Variants in TMX3 observed in about 807,000 individuals in gnomAD.
TMX3 encodes protein disulfide-isomerase TMX3.
In TMX3, 40 loss-of-function variants were observed where a neutral mutation model predicts 64.4. That is an observed-to-expected ratio of 0.62 (90% CI 0.48 to 0.81). The LOEUF is 0.81. TMX3 is among the 30% of genes least tolerant of loss of function. The probability of loss-of-function intolerance (pLI) is 0.00; values close to 1 mark genes in which losing one functional copy is unlikely to be tolerated. For synonymous variants in TMX3, 189 were observed against 175.7 expected, an observed-to-expected ratio of 1.08 and a Z score of -0.60; for missense variants, 497 against 534.5, an observed-to-expected ratio of 0.93 and a Z score of 0.69.
At chr18:68,702,551 A>G (rs572484848) in intron 4 of TMX3, among the ~76,000 whole-genome samples, 4 of 152,318 alleles carry the variant, frequency 2.6e-5, no homozygotes, top group Middle Eastern at 3.4e-3. Flanking sequence ...TTACAGACAA[A>G]ACGCCACCAG....
At chr18:68,714,880 C>G (rs1352855883) in intron 1 of TMX3, 56 bp downstream of exon 1, 40 of 1,545,498 alleles carry the variant, frequency 2.6e-5, no homozygotes, top group Non-Finnish European at 3.3e-5. Context: ...CCCGGCCCCA[C>G]GGCGGGGCCA....
intron 9 of TMX3, among the ~76,000 whole-genome samples, chr18:68,689,385 T>A (rs978439316): frequency 1.3e-5 from 2 of 151,368 alleles, no homozygotes; most frequent in East Asian, 1.9e-4. Flanking sequence ...TAAACAGATA[T>A]GATCAGTGTT....
intron 2 of TMX3, among the ~76,000 whole-genome samples, chr18:68,712,322 A>G (rs2031364482): frequency 6.6e-6 from 1 of 152,164 alleles, no homozygotes; most frequent in African/African-American, 2.4e-5. Flanking sequence ...GTCCCTGGAC[A>G]GTATTGTTAG....
chr18:68,713,980 GT>G, intron 1 of TMX3, 80 bp from the exon 2 acceptor site: 4 of 1,001,658 alleles, frequency 4.0e-6, no homozygotes, highest in Admixed American at 2.7e-5. Context: ...TCTCTGAAGT[GT>G]TTTTGACCTT....
rs1294591745 is a variant in TMX3 at position 68,675,086 on chromosome 18, T to C, written c.*1847A>G. On this transcript the variant is annotated 3_prime_UTR_variant, in exon 16 of 16. Transcript: ENST00000299608. ...GACATTTTCTATAACTATTTCCCCA[T>C]GTCACTGACTGCTAAGTTTTCACTT... 1 of 152,162 alleles carries C rather than the reference T, an allele frequency of 6.6e-6. No individual in the cohort carries two copies. Among genetic ancestry groups the C allele is most frequent in the African/African-American group, 2.4e-5 (1 of 41,452 alleles). 9.4% of individuals were successfully genotyped at this position (152,162 alleles called of 1,614,324 possible). A position where few individuals can be genotyped will look rare whatever the true frequency, so the allele number is the denominator to read the frequency against.
chr18:68,679,392 T>C, intron 15 of TMX3, 71 bp downstream of exon 15: 2 of 1,311,240 alleles, frequency 1.5e-6, no homozygotes, highest in South Asian at 1.4e-5. Context: ...CAAATTCAGA[T>C]TTTTAACACA....
At chr18:68,687,939 C>T (rs899960534) in intron 9 of TMX3, 174 bp from the exon 10 acceptor site, 15 of 398,818 alleles carry the variant, frequency 3.8e-5, no homozygotes, top group Non-Finnish European at 5.3e-5. Context: ...GATTAATGCA[C>T]AAAGCAATCT....
chr18:68,686,493 G>A (rs971603020), intron 10 of TMX3, among the ~76,000 whole-genome samples: 6 of 152,062 alleles, frequency 3.9e-5, no homozygotes, highest in Admixed American at 2.6e-4. Context: ...TGCGGATCAC[G>A]AGGTCAGGAG....
At chr18:68,704,708 GT>G (rs2030490572) in intron 4 of TMX3, among the ~76,000 whole-genome samples, 1 of 152,154 alleles carries the variant, frequency 6.6e-6, no homozygotes. Context: ...TGCAACAAGA[GT>G]TATAGCTTTG....
intron 1 of TMX3, 22 bp from the exon 2 acceptor site, chr18:68,713,922 T>C (rs2031596578): frequency 6.5e-7 from 1 of 1,527,030 alleles, no homozygotes; most frequent in African/African-American, 1.4e-5. Context: ...AGACAAAATG[T>C]ACACAATAAA....
chr18:68,704,034 T>C (rs771360596), intron 4 of TMX3, among the ~76,000 whole-genome samples: 10 of 152,206 alleles, frequency 6.6e-5, no homozygotes, highest in African/African-American at 2.4e-4. Context: ...TTATCGCCTA[T>C]GTAACTCTGG....
intron 15 of TMX3, among the ~76,000 whole-genome samples, chr18:68,677,829 A>C (rs1255692772): frequency 6.6e-6 from 1 of 152,126 alleles, no homozygotes; most frequent in Non-Finnish European, 1.5e-5. Context: ...CTTTGGATTG[A>C]GATAATAAAA....
chr18:68,706,898 T>C (rs1568202085), intron 4 of TMX3, among the ~76,000 whole-genome samples: 1 of 152,222 alleles, frequency 6.6e-6, no homozygotes, highest in Non-Finnish European at 1.5e-5. Flanking sequence ...GTTGCTTCAC[T>C]ACACATAACA....
At chr18:68,687,604 G>T in intron 10 of TMX3, 63 bp downstream of exon 10, 1 of 1,543,406 alleles carries the variant, frequency 6.5e-7, no homozygotes, top group South Asian at 1.3e-5. Context: ...TACAAAATAA[G>T]ATTTTTAAAT....
At chr18:68,711,265 G>A in intron 3 of TMX3, 99 bp downstream of exon 3, 1 of 732,164 alleles carries the variant, frequency 1.4e-6, no homozygotes, top group Non-Finnish European at 2.2e-6. Context: ...ATATACATAA[G>A]CACTAGCTGT....
rs1029081496 is a variant in TMX3, at chr18:68,687,686, C to G, written c.717G>C (p.Leu239Phe). The G allele has an allele frequency of 3.7e-6, 6 of 1,611,364 alleles. No individual in the cohort carries two copies. Among genetic ancestry groups the G allele is most frequent in the Non-Finnish European group, 4.2e-6 (5 of 1,178,896 alleles). Residue 239 changes from leucine (L) to phenylalanine (F), a missense_variant, in exon 10 of 16, where the codon TTG (leucine) becomes TTC (phenylalanine). Coordinates refer to ENST00000299608, the MANE Select transcript of TMX3 (RefSeq NM_019022.5). ...QNYLAMDGFL[L>F]YELGDTGKLV... ...TGTTACCTGTGTCTCCAAGTTCATA[C>G]AAGAGGAAGCCATCCATAGCAAGGT...
intron 8 of TMX3, among the ~76,000 whole-genome samples, chr18:68,695,451 A>G (rs559275489): frequency 8.5e-5 from 13 of 152,294 alleles, no homozygotes; most frequent in African/African-American, 3.1e-4. Flanking sequence ...TTTGATGCTT[A>G]TATTTAGATT....
chr18:68,709,756 T>C (rs1159192614), intron 4 of TMX3, among the ~76,000 whole-genome samples: 2 of 152,002 alleles, frequency 1.3e-5, no homozygotes, highest in Non-Finnish European at 2.9e-5. Context: ...ACTCATCCTT[T>C]TACAGCTGCC....
intron 9 of TMX3, among the ~76,000 whole-genome samples, chr18:68,690,748 C>T (rs1050903436): frequency 3.3e-5 from 5 of 152,130 alleles, no homozygotes; most frequent in South Asian, 2.1e-4. Flanking sequence ...TGTTTAACTT[C>T]GGTGATGGGT....
Sources: gnomAD v4.1 joint callset for allele counts (sites outside exome capture counted in the v4.1 genomes callset) on GRCh38, gnomAD v4.1.1 for gene constraint, MANE v1.5 for transcripts, NCBI Gene and HGNC (gene_info 2026-07-23, HGNC 2026-07-21) for gene names.